SH3RF2: variants seen among roughly 807,000 people sequenced by gnomAD.
The protein encoded by SH3RF2 is SH3 domain containing ring finger 2, also known as E3 ubiquitin-protein ligase SH3RF2.
A neutral mutation model predicts 59.0 loss-of-function variants in SH3RF2; 43 were observed. That is an observed-to-expected ratio of 0.73 (90% CI 0.57 to 0.94). The LOEUF (loss-of-function observed/expected upper bound fraction) is 0.94, where lower values mean the gene tolerates loss of function less well. SH3RF2 is among the 40% of genes least tolerant of loss of function. SH3RF2 has a pLI of 0.00. For synonymous variants in SH3RF2, 391 were observed against 391.5 expected, an observed-to-expected ratio of 1.00 and a Z score of 0.01; for missense variants, 930 against 940.1, an observed-to-expected ratio of 0.99 and a Z score of 0.14.
chr5:145,938,260 C>T lies in SH3RF2; in HGVS notation c.332C>T (p.Ala111Val). 1 of 1,595,842 alleles carries T rather than the reference C, an allele frequency of 6.3e-7. No homozygotes were observed. Among genetic ancestry groups the T allele is most frequent in the Non-Finnish European group, 8.5e-7 (1 of 1,174,420 alleles). ...AGGACCAACCCCAGACGTCTGCAGGCCAGTCCTTTCCGGCTAGTGCCTAAT... is the reference window on the plus strand; with the variant it reads ...AGGACCAACCCCAGACGTCTGCAGGTCAGTCCTTTCCGGCTAGTGCCTAAT... ...KSRTNPRRLQ[A>V]SPFRLVPNVR... The change falls in exon 2 of 10, where the codon GCC (alanine) becomes GTC (valine). Residue 111 changes from alanine (A) to valine (V), a missense_variant. Physicochemically the swap from Ala to Val is moderately conservative, Grantham distance 64. Transcript: ENST00000359120.
Position 146,049,207 on chromosome 5 carries a change from C to T in SH3RF2, c.1284C>T (p.Val428=), listed in dbSNP as rs200330959. 35 of 1,613,476 alleles carry T rather than the reference C, an allele frequency of 2.2e-5. No individual in the cohort carries two copies. The East Asian group carries it at 2.2e-4, about 10-fold the overall frequency. The change falls in exon 7 of 10, where the codon GTC becomes GTT. Residue 428 remains valine (V), a synonymous_variant. Coordinates refer to ENST00000359120, the MANE Select transcript of SH3RF2 (RefSeq NM_152550.4). ...GCGTCTCCTTGGTCACCGGGCGAGT[C>T]GGCATCTTCCCAAACAATTACGTCA... ...LRGVSLVTGR[V]GIFPNNYVIP... is the part of the protein sequence containing the mutation.
At chr5:145,964,792 G>A (rs577361887) in intron 2 of SH3RF2, among the ~76,000 whole-genome samples, 63 of 152,228 alleles carry the variant, frequency 4.1e-4, no homozygotes, top group South Asian at 1.7e-3. Context: ...CACAAAGCAC[G>A]CTCCAGCAGA....
At chr5:145,971,201 T>G (rs1278877344) in intron 2 of SH3RF2, among the ~76,000 whole-genome samples, 1 of 152,220 alleles carries the variant, frequency 6.6e-6, no homozygotes, top group Non-Finnish European at 1.5e-5. Flanking sequence ...GTCTGTTATA[T>G]TTAAAACTGA....
At chr5:145,956,535 C>G (rs1021500264) in intron 2 of SH3RF2, among the ~76,000 whole-genome samples, 2 of 152,200 alleles carry the variant, frequency 1.3e-5, no homozygotes, top group Admixed American at 6.5e-5. Flanking sequence ...CTCAGCCCCC[C>G]AAAGTGCTGG....
chr5:146,020,898 A>T (rs2906818), intron 5 of SH3RF2, among the ~76,000 whole-genome samples: 8 of 152,216 alleles, frequency 5.3e-5, no homozygotes, highest in African/African-American at 1.7e-4. Flanking sequence ...AAGTCCAAGC[A>T]TCTTTCCTGG....
intron 2 of SH3RF2, among the ~76,000 whole-genome samples, chr5:145,980,481 T>C (rs1396215203): frequency 6.6e-6 from 1 of 152,214 alleles, no homozygotes; most frequent in Admixed American, 6.5e-5. Flanking sequence ...TTACTTGCTA[T>C]CATTTATTTA....
intron 2 of SH3RF2, among the ~76,000 whole-genome samples, chr5:145,996,066 C>G (rs373975487): frequency 1.3e-5 from 2 of 152,290 alleles, no homozygotes; most frequent in Admixed American, 6.5e-5. Context: ...TTTTTTCACC[C>G]CTGGGGTCTC....
intron 9 of SH3RF2, among the ~76,000 whole-genome samples, chr5:146,072,731 TACC>T (rs1561776962): frequency 1.3e-5 from 2 of 152,106 alleles, no homozygotes; most frequent in South Asian, 2.1e-4. Context: ...TAAATGCAGG[TACC>T]TAGTGAATCC....
In SH3RF2 at chr5:146,047,968, G is replaced by A. The variant is rs1452566120; in HGVS notation, c.1151+105G>A. 4.6e-6 allele frequency: 5 copies of A among 1,080,542 alleles called. No individual in the cohort carries two copies. The Admixed American group carries it at 1.1e-4, about 23-fold the overall frequency. The allele number at this position is 1,080,542 out of a possible 1,614,324, so 66.9% of individuals were successfully genotyped here. A position where few individuals can be genotyped will look rare whatever the true frequency, so the allele number is the denominator to read the frequency against. ...CACCATTCCCAAAACATCCCATCCA[G>A]AGACAATAGGTCGCCTTCCTTTACC... On this transcript the variant is annotated intron_variant, in intron 6 of 9. Transcript: ENST00000359120.
At chr5:146,021,260 T>G (rs1761306511) in intron 5 of SH3RF2, among the ~76,000 whole-genome samples, 1 of 152,260 alleles carries the variant, frequency 6.6e-6, no homozygotes, top group Non-Finnish European at 1.5e-5. Flanking sequence ...AATTTATATT[T>G]AAGATTCTTA....
intron 9 of SH3RF2, among the ~76,000 whole-genome samples, chr5:146,060,491 G>GA (rs1434634582): frequency 6.6e-6 from 1 of 151,742 alleles, no homozygotes; most frequent in Non-Finnish European, 1.5e-5. Context: ...AAAGTGGCTT[G>GA]AAAAAAAAGC....
intron 2 of SH3RF2, among the ~76,000 whole-genome samples, chr5:145,980,356 A>AT (rs34843879): frequency 0.13 from 19,396 of 152,058 alleles, 1,394 homozygotes; most frequent in East Asian, 0.25. Flanking sequence ...GGGTGTACAT[A>AT]TTTTTTTGCA....
At chr5:146,051,040 G>C (rs1442210642) in intron 7 of SH3RF2, among the ~76,000 whole-genome samples, 1 of 152,180 alleles carries the variant, frequency 6.6e-6, no homozygotes, top group Admixed American at 6.6e-5. Context: ...TTTGAAACCA[G>C]CCTGGCCAAC....
chr5:146,080,901 T>C (rs11956508), exon 10 of SH3RF2: 34,078 of 152,252 alleles, frequency 0.22, 4,887 homozygotes, highest in Admixed American at 0.34. Context: ...CGAATTCAAG[T>C]GATTCTCCTG....
rs1263903549 is a variant in SH3RF2 at position 146,028,205 on chromosome 5, C to CAG, written c.1059+14145_1059+14146insGA. 4.5e-3 allele frequency among the ~76,000 whole-genome samples: 489 copies of CAG among 109,468 alleles called. 4 individuals are homozygous for CAG. The highest frequency in any genetic ancestry group is 0.013 in the African/African-American group (464 of 35,566). The allele number at this position is 109,468 out of a possible 152,430, so 71.8% of individuals were successfully genotyped here. A position where few individuals can be genotyped will look rare whatever the true frequency, so the allele number is the denominator to read the frequency against. ...ACACACACACACACACACACACACA[C>CAG]ACACAGAGATAATTCAACAAGAAAG... On this transcript the variant is annotated intron_variant, in intron 5 of 9. Coordinates refer to ENST00000359120, the MANE Select transcript of SH3RF2 (RefSeq NM_152550.4).
intron 2 of SH3RF2, among the ~76,000 whole-genome samples, chr5:145,962,510 T>TA (rs1228905775): frequency 1.3e-5 from 2 of 152,332 alleles, no homozygotes; most frequent in East Asian, 3.9e-4. Context: ...TGTCCACAGT[T>TA]ATTAGTGTTG....
intron 2 of SH3RF2, among the ~76,000 whole-genome samples, chr5:145,946,445 A>G (rs1005586927): frequency 5.9e-5 from 9 of 152,178 alleles, no homozygotes; most frequent in Non-Finnish European, 1.3e-4. Flanking sequence ...ACCTCATGGG[A>G]TCATGAAATA....
chr5:146,071,656 T>C (rs1169088275), intron 9 of SH3RF2, among the ~76,000 whole-genome samples: 1 of 152,168 alleles, frequency 6.6e-6, no homozygotes, highest in East Asian at 1.9e-4. Context: ...GAGAAGTAAT[T>C]AATATAATAG....
intron 2 of SH3RF2, among the ~76,000 whole-genome samples, chr5:145,995,863 C>T (rs570791564): frequency 1.8e-4 from 28 of 152,032 alleles, no homozygotes; most frequent in East Asian, 7.7e-4. Context: ...TTATCAGTAA[C>T]GCTCAATATT....
Sources: allele counts gnomAD v4.1 joint callset (sites outside exome capture counted in the v4.1 genomes callset), GRCh38; gene constraint gnomAD v4.1.1; transcripts MANE v1.5; gene names NCBI Gene and HGNC (gene_info 2026-07-23, HGNC 2026-07-21).